The following ATXN1 variants were observed in gnomAD, a reference collection of about 807,000 sequenced individuals.
ATXN1 encodes ataxin-1.
In ATXN1, 8 loss-of-function variants were observed where a neutral mutation model predicts 56.4. The observed-to-expected ratio is 0.14, with a 90% CI of 0.08 to 0.26. The LOEUF (loss-of-function observed/expected upper bound fraction) is 0.26, where lower values mean the gene tolerates loss of function less well. ATXN1 is among the 10% of genes least tolerant of loss of function. ATXN1 has a pLI of 1.00. For missense variants in ATXN1, 987 were observed against 1,106.5 expected, an observed-to-expected ratio of 0.89 and a Z score of 1.53; for synonymous variants, 514 against 494.6, an observed-to-expected ratio of 1.04 and a Z score of -0.52.
chr6:16,495,268 C>T (rs1760756652), intron 5 of ATXN1, among the ~76,000 whole-genome samples: 2 of 152,142 alleles, frequency 1.3e-5, no homozygotes, highest in Admixed American at 1.3e-4. Context: ...AAATATTTTC[C>T]TCTCATTCTC....
intron 5 of ATXN1, among the ~76,000 whole-genome samples, chr6:16,501,846 G>A (rs187460380): frequency 1.3e-5 from 2 of 152,284 alleles, no homozygotes; most frequent in African/African-American, 4.8e-5. Context: ...CCAGTAACGG[G>A]ATTGCTGGGT....
chr6:16,310,699 G>C (rs1760368635), intron 7 of ATXN1, among the ~76,000 whole-genome samples: 1 of 152,162 alleles, frequency 6.6e-6, no homozygotes, highest in Non-Finnish European at 1.5e-5. Flanking sequence ...ATGTTGGCCA[G>C]GATGGTCTCG....
intron 5 of ATXN1, among the ~76,000 whole-genome samples, chr6:16,508,029 C>T (rs1761012466): frequency 6.6e-6 from 1 of 152,146 alleles, no homozygotes; most frequent in African/African-American, 2.4e-5. Flanking sequence ...GGATGCCTCC[C>T]TATAGCCATG....
At chr6:16,323,406 C>T (rs1188878605) in intron 7 of ATXN1, among the ~76,000 whole-genome samples, 4 of 151,692 alleles carry the variant, frequency 2.6e-5, no homozygotes, top group Admixed American at 2.0e-4. Flanking sequence ...GTAGTCTCGG[C>T]TACTTGGGAG....
chr6:16,581,185 C>A (rs188176902), intron 4 of ATXN1, among the ~76,000 whole-genome samples: 1 of 146,172 alleles, frequency 6.8e-6, no homozygotes, highest in Admixed American at 6.8e-5. Flanking sequence ...ACCCCATGTT[C>A]GAGAATGCAC....
At chr6:16,723,895 T>C (rs760644750) in intron 2 of ATXN1, among the ~76,000 whole-genome samples, 2 of 152,214 alleles carry the variant, frequency 1.3e-5, no homozygotes, top group African/African-American at 2.4e-5. Context: ...TTTAAATTCA[T>C]GTCCATTTTC....
At chr6:16,620,782 C>T (rs1201128117) in intron 3 of ATXN1, among the ~76,000 whole-genome samples, 1 of 152,154 alleles carries the variant, frequency 6.6e-6, no homozygotes, top group Non-Finnish European at 1.5e-5. Context: ...AGAAGGAGCC[C>T]CAGAAAGGGA....
chr6:16,542,668 A>G (rs908188211), intron 4 of ATXN1, among the ~76,000 whole-genome samples: 1 of 152,222 alleles, frequency 6.6e-6, no homozygotes, highest in Non-Finnish European at 1.5e-5. Flanking sequence ...TGTGTCTGAC[A>G]CATTCAAAAG....
chr6:16,365,104 C>T (rs1761891717), intron 6 of ATXN1, among the ~76,000 whole-genome samples: 1 of 152,092 alleles, frequency 6.6e-6, no homozygotes, highest in Non-Finnish European at 1.5e-5. Context: ...TACATATGCA[C>T]AATGTGCACG....
chr6:16,741,666 G>T (rs1276124160), intron 2 of ATXN1, among the ~76,000 whole-genome samples: 1 of 152,182 alleles, frequency 6.6e-6, no homozygotes, highest in East Asian at 1.9e-4. Context: ...AAGATGATAT[G>T]AACTGTGTCA....
chr6:16,717,019 G>C (rs1042037287), intron 2 of ATXN1, among the ~76,000 whole-genome samples: 1 of 152,220 alleles, frequency 6.6e-6, no homozygotes. Flanking sequence ...TGCCTAGTTA[G>C]CGGTTTATAG....
At chr6:16,522,840 C>A (rs148760115) in intron 4 of ATXN1, among the ~76,000 whole-genome samples, 152 bp from the exon 5 acceptor site, 4 of 152,234 alleles carry the variant, frequency 2.6e-5, no homozygotes, top group Admixed American at 2.6e-4. Flanking sequence ...ACAATAGATG[C>A]GTGATTATTT....
At chr6:16,739,854 C>T (rs910635507) in intron 2 of ATXN1, 15 of 456,808 alleles carry the variant, frequency 3.3e-5, no homozygotes, top group Non-Finnish European at 4.4e-5. Context: ...CACCAAGTCC[C>T]GGGGACTTCC....
chr6:16,450,220 C>T (rs1441494485), intron 6 of ATXN1, among the ~76,000 whole-genome samples: 2 of 152,188 alleles, frequency 1.3e-5, no homozygotes, highest in African/African-American at 2.4e-5. Context: ...TTACAAAAAC[C>T]GGTCCTTGTG....
chr6:16,646,849 T>C (rs1763805676), intron 3 of ATXN1, among the ~76,000 whole-genome samples: 1 of 152,172 alleles, frequency 6.6e-6, no homozygotes, highest in South Asian at 2.1e-4. Context: ...CTAAACCAAG[T>C]TTGTAGGAAG....
At chr6:16,442,905 A>C (rs1759547332) in intron 6 of ATXN1, among the ~76,000 whole-genome samples, 3 of 152,120 alleles carry the variant, frequency 2.0e-5, no homozygotes. Context: ...CCATCTACTC[A>C]GGAGGCTGAG....
intron 6 of ATXN1, among the ~76,000 whole-genome samples, chr6:16,337,273 G>C (rs1393367278): frequency 6.6e-6 from 1 of 151,902 alleles, no homozygotes. Flanking sequence ...GGTGCAGTTA[G>C]TGAGCTCTGC....
At chr6:16,633,373 T>C (rs1328685608) in intron 3 of ATXN1, among the ~76,000 whole-genome samples, 1 of 152,166 alleles carries the variant, frequency 6.6e-6, no homozygotes, top group Non-Finnish European at 1.5e-5. Flanking sequence ...CCAATGTTTG[T>C]TTTATCAGTT....
intron 4 of ATXN1, among the ~76,000 whole-genome samples, chr6:16,579,371 T>C (rs1762481551): frequency 6.7e-6 from 1 of 149,788 alleles, no homozygotes; most frequent in South Asian, 2.1e-4. Context: ...AGCATCAAGG[T>C]TGCAAAATGA....
Sources: gnomAD v4.1 joint callset for allele counts (sites outside exome capture counted in the v4.1 genomes callset) on GRCh38, gnomAD v4.1.1 for gene constraint, MANE v1.5 for transcripts, NCBI Gene and HGNC (gene_info 2026-07-23, HGNC 2026-07-21) for gene names.